The following ZNF197 variants were observed in gnomAD, a reference collection of about 807,000 sequenced individuals.
ZNF197 encodes the protein zinc finger protein 197.
A neutral mutation model predicts 27.4 loss-of-function variants in ZNF197; 14 were observed. That is an observed-to-expected ratio of 0.51 (90% confidence interval 0.34 to 0.80). ZNF197 has a LOEUF of 0.80. Ranked by LOEUF, ZNF197 falls within the 30% of genes least tolerant of loss-of-function variation. ZNF197 has a pLI of 0.02. For missense variants in ZNF197, 1,090 were observed against 1,222.6 expected, an observed-to-expected ratio of 0.89 and a Z score of 1.62; for synonymous variants, 415 against 420.0, an observed-to-expected ratio of 0.99 and a Z score of 0.15.
chr3:44,630,833 C>T (rs749368633), intron 2 of ZNF197: 18 of 669,430 alleles, frequency 2.7e-5, no homozygotes, highest in South Asian at 6.0e-5. Flanking sequence ...CTGTTCCCAC[C>T]GTTGTGTACA....
chr3:44,631,557 T>C (rs1702001296), intron 3 of ZNF197, among the ~76,000 whole-genome samples: 2 of 150,442 alleles, frequency 1.3e-5, no homozygotes, highest in African/African-American at 4.9e-5. Flanking sequence ...CCCGCCACTG[T>C]GCCCGGCTAG....
In ZNF197 at chr3:44,642,343, A is replaced by C. The variant is rs987103608; in HGVS notation, c.1213A>C (p.Lys405Gln). The change falls in exon 6 of 6, where the codon AAA (lysine) becomes CAA (glutamine). Residue 405 changes from lysine to glutamine, a missense_variant. Coordinates refer to ENST00000344387, the MANE Select transcript of ZNF197 (RefSeq NM_006991.5). ...EKPHKCKECGKGFIQRSSLLM... is the reference protein window; with the variant it reads ...EKPHKCKECGQGFIQRSSLLM... ...ACCTCATAAATGTAAGGAATGTGGA[A>C]AAGGCTTTATTCAGCGTTCGAGCCT... is the stretch of plus-strand genomic sequence containing the variant. The C allele has an allele frequency of 6.2e-7, 1 of 1,614,064 alleles. No homozygotes were observed. The highest frequency in any genetic ancestry group is 1.3e-5 in the African/African-American group (1 of 74,940).
intron 5 of ZNF197, 149 bp from the exon 6 acceptor site, chr3:44,641,751 T>TC: frequency 2.2e-6 from 2 of 910,822 alleles, no homozygotes; most frequent in South Asian, 2.0e-5. Flanking sequence ...TGTAGCATTA[T>TC]TCTTTGTACC....
At chr3:44,635,003 A>T (rs568499167) in intron 5 of ZNF197, among the ~76,000 whole-genome samples, 66 of 152,122 alleles carry the variant, frequency 4.3e-4, no homozygotes, top group Non-Finnish European at 7.6e-4. Context: ...TAATCCAAGT[A>T]GCTTTCAGTA....
chr3:44,639,258 A>C (rs867377916), intron 5 of ZNF197, among the ~76,000 whole-genome samples: 1 of 152,150 alleles, frequency 6.6e-6, no homozygotes, highest in Non-Finnish European at 1.5e-5. Context: ...GTTTGTATTC[A>C]TAAGCTATAT....
At chr3:44,635,351 T>C (rs924807567) in intron 5 of ZNF197, among the ~76,000 whole-genome samples, 1 of 152,146 alleles carries the variant, frequency 6.6e-6, no homozygotes, top group African/African-American at 2.4e-5. Context: ...TGATTTGAGA[T>C]ACATTAAAGA....
chr3:44,628,341 ACT>A (rs1275450305), intron 1 of ZNF197, among the ~76,000 whole-genome samples: 1 of 152,120 alleles, frequency 6.6e-6, no homozygotes, highest in African/African-American at 2.4e-5. Context: ...GTATAATAAA[ACT>A]CTATTCATAT....
rs888422470 is a variant in ZNF197 at position 44,645,066 on chromosome 3, A to G, written c.*846A>G. 1 of 985,308 alleles carries G rather than the reference A, an allele frequency of 1.0e-6. No homozygotes were observed. The highest frequency in any genetic ancestry group is 1.2e-6 in the Non-Finnish European group (1 of 829,804). 61.0% of individuals were successfully genotyped at this position (985,308 alleles called of 1,614,324 possible). ...CTAAAAGAGCACTGGATTTGGAATC[A>G]GAAGACCTACCTTTGATTCCTGGCT... On this transcript the variant is annotated 3_prime_UTR_variant, in exon 6 of 6. Transcript: ENST00000344387.
At chr3:44,638,118 T>G (rs1034962181) in intron 5 of ZNF197, among the ~76,000 whole-genome samples, 6 of 152,204 alleles carry the variant, frequency 3.9e-5, no homozygotes, top group African/African-American at 1.2e-4. Flanking sequence ...ATTTAGGCCT[T>G]CAGCTTCTTT....
Position 44,643,140 on chromosome 3 carries a change from G to A in ZNF197, c.2010G>A (p.Arg670=), listed in dbSNP as rs565866958. ...AGAAGAGCCTCATTTTACATCAAAG[G>A]TTCCACACTGGAGAGAATCTCTATG... The part of the protein sequence containing the change: ...ILKKSLILHQ[R]FHTGENLYEC... The change falls in exon 6 of 6, where the codon AGG becomes AGA. Residue 670 remains arginine (R), a synonymous_variant. Transcript: ENST00000344387. The A allele has an allele frequency of 6.2e-7, 1 of 1,612,604 alleles. No homozygotes were observed.
Position 44,643,469 on chromosome 3 carries a change from A to C in ZNF197, c.2339A>C (p.His780Pro). 6.2e-7 allele frequency: 1 copy of C among 1,614,238 alleles called. No individual in the cohort carries two copies. The highest frequency in any genetic ancestry group is 8.5e-7 in the Non-Finnish European group (1 of 1,180,040). ...AGTTCAAACAGAAACCTCATTGAGC[A>C]TAAGAGAATCCACAGTGGTGAGAAA... ...AFSSNRNLIE[H>P]KRIHSGEKPY... The change falls in exon 6 of 6, where the codon CAT becomes CCT. Residue 780 changes from histidine (H) to proline (P), a missense_variant. By Grantham distance (77) the His-to-Pro change is moderately conservative. Coordinates refer to ENST00000344387, the MANE Select transcript of ZNF197 (RefSeq NM_006991.5).
Position 44,644,395 on chromosome 3 carries a change from T to C in ZNF197, c.*175T>C. ...GGCTCATGCCTGTAATCCCAGCACT[T>C]TGAGAGGCCGAAGCGAGTGGATCAC... On this transcript the variant is annotated 3_prime_UTR_variant, in exon 6 of 6. Coordinates refer to ENST00000344387, the MANE Select transcript of ZNF197 (RefSeq NM_006991.5). 3 of 1,354,368 alleles carry C rather than the reference T, an allele frequency of 2.2e-6. No homozygotes were observed. Among genetic ancestry groups the C allele is most frequent in the Non-Finnish European group, 2.8e-6 (3 of 1,056,780 alleles). 83.9% of individuals were successfully genotyped at this position (1,354,368 alleles called of 1,614,324 possible).
Position 44,645,334 on chromosome 3 carries a change from GA to G in ZNF197, c.*1115del, listed in dbSNP as rs1702894633. 2.0e-6 allele frequency: 2 copies of G among 985,086 alleles called. No homozygotes were observed. Among genetic ancestry groups the G allele is most frequent in the African/African-American group, 3.5e-5 (2 of 57,048 alleles). The allele number at this position is 985,086 out of a possible 1,614,324, so 61.0% of individuals were successfully genotyped here. On this transcript the variant is annotated 3_prime_UTR_variant, in exon 6 of 6. Coordinates refer to ENST00000344387, the MANE Select transcript of ZNF197 (RefSeq NM_006991.5). ...ATTAAGTCAATATTAGAATGAGGGG[GA>G]TTCCAGGAACCTAAAAGATACTCAT...
chr3:44,641,774 A>T (rs1030763875), intron 5 of ZNF197, 126 bp from the exon 6 acceptor site: 22 of 1,127,268 alleles, frequency 2.0e-5, no homozygotes, highest in Non-Finnish European at 2.7e-5. Flanking sequence ...CCTTTAATGA[A>T]AAGTTTCTCC....
In ZNF197 at chr3:44,644,509, A is replaced by G. The variant is rs1480433728; in HGVS notation, c.*289A>G. The G allele has an allele frequency of 6.1e-6, 5 of 825,782 alleles. No homozygotes were observed. Among genetic ancestry groups the G allele is most frequent in the Non-Finnish European group, 7.5e-6 (5 of 663,852 alleles). The allele number at this position is 825,782 out of a possible 1,614,324, so 51.2% of individuals were successfully genotyped here. On this transcript the variant is annotated 3_prime_UTR_variant, in exon 6 of 6. Transcript: ENST00000344387. Reference sequence around the variant, plus strand: ...AAAAATTATCCGGGCATGGGGGCACACACCGGTAATCCCAGCTACTCAGGA... The same window carrying G: ...AAAAATTATCCGGGCATGGGGGCACGCACCGGTAATCCCAGCTACTCAGGA...
rs1702931225 is a variant in ZNF197 at position 44,645,952 on chromosome 3, G to GCTGGA, written c.*1735_*1739dup. 1 of 985,264 alleles carries GCTGGA rather than the reference G, an allele frequency of 1.0e-6. No homozygotes were observed. The highest frequency in any genetic ancestry group is 1.2e-6 in the Non-Finnish European group (1 of 829,928). The allele number at this position is 985,264 out of a possible 1,614,324, so 61.0% of individuals were successfully genotyped here. ...TAATTCTCAAAGTTCTGTTTCTGTAGCTGGACTATGAATAATACCTGAATA... is the reference window on the plus strand; with the variant it reads ...TAATTCTCAAAGTTCTGTTTCTGTAGCTGGACTGGACTATGAATAATACCTGAATA... On this transcript the variant is annotated 3_prime_UTR_variant, in exon 6 of 6. Coordinates refer to ENST00000344387, the MANE Select transcript of ZNF197 (RefSeq NM_006991.5).
At position 44,646,908 on chromosome 3, in the gene ZNF197, A is replaced by C. The variant is rs1023960987; in HGVS notation, c.*2688A>C. 46 of 184,982 alleles carry C rather than the reference A, an allele frequency of 2.5e-4. No homozygotes were observed. Among genetic ancestry groups the C allele is most frequent in the Admixed American group, 8.2e-4 (14 of 17,124 alleles). The allele number at this position is 184,982 out of a possible 1,614,324, so 11.5% of individuals were successfully genotyped here. ...TTGGATATCCATAGGCAGTAAACCA[A>C]CAACTTCAGGACCTAGGACTGAGCT... On this transcript the variant is annotated 3_prime_UTR_variant, in exon 6 of 6. Coordinates refer to ENST00000344387, the MANE Select transcript of ZNF197 (RefSeq NM_006991.5).
At chr3:44,634,389 T>C (rs1360659035) in intron 5 of ZNF197, among the ~76,000 whole-genome samples, 5 of 152,196 alleles carry the variant, frequency 3.3e-5, no homozygotes, top group African/African-American at 1.2e-4. Flanking sequence ...AACTTGGCAG[T>C]ATTTTCCTTT....
rs1702698078 is a variant in ZNF197 at position 44,642,823 on chromosome 3, C to G, written c.1693C>G (p.Pro565Ala). The change falls in exon 6 of 6, where the codon CCT becomes GCT. Residue 565 changes from proline (P) to alanine (A), a missense_variant. Transcript: ENST00000344387. ...DHQRLHSAEN[P>A]YKCKECGKVF... is the part of the protein sequence containing the mutation. ...TCAGCGACTCCACAGTGCAGAGAAC[C>G]CTTACAAGTGTAAAGAATGTGGAAA... is the stretch of plus-strand genomic sequence containing the variant. The G allele has an allele frequency of 1.9e-6, 3 of 1,614,016 alleles. No individual in the cohort carries two copies. Among genetic ancestry groups the G allele is most frequent in the Non-Finnish European group, 2.5e-6 (3 of 1,180,016 alleles).
Sources: gnomAD v4.1 joint callset for allele counts (sites outside exome capture counted in the v4.1 genomes callset) on GRCh38, gnomAD v4.1.1 for gene constraint, MANE v1.5 for transcripts, NCBI Gene and HGNC (gene_info 2026-07-23, HGNC 2026-07-21) for gene names.